ABCA13: variants seen among roughly 807,000 people sequenced by gnomAD.
ABCA13 encodes the protein ATP binding cassette subfamily A member 13.
A neutral mutation model predicts 478.7 loss-of-function variants in ABCA13; 476 were observed. The observed-to-expected ratio is 0.99, with a 90% CI of 0.92 to 1.07. ABCA13 has a LOEUF of 1.07. Ranked by LOEUF, ABCA13 falls within the 50% of genes least tolerant of loss-of-function variation. ABCA13 has a pLI of 0.00. For missense variants in ABCA13, 6,060 were observed against 5,910.6 expected (o/e 1.03, Z -0.83); for synonymous variants, 2,252 against 2,158.9 (o/e 1.04, Z -1.20).
At chr7:48,325,559 T>C (rs544127383) in intron 27 of ABCA13, among the ~76,000 whole-genome samples, 75 of 152,314 alleles carry the variant, frequency 4.9e-4, no homozygotes, top group Non-Finnish European at 6.8e-4. Flanking sequence ...TTTTTGTTCT[T>C]TTCATGGCAT....
At chr7:48,619,103 C>T (rs904196196) in intron 59 of ABCA13, among the ~76,000 whole-genome samples, 4 of 152,194 alleles carry the variant, frequency 2.6e-5, no homozygotes, top group African/African-American at 9.7e-5. Context: ...TCTGGCTGTG[C>T]CAAGGGTTCT....
chr7:48,626,751 A>G (rs10227020), intron 59 of ABCA13: 23 of 985,540 alleles, frequency 2.3e-5, no homozygotes, highest in Non-Finnish European at 2.7e-5. Context: ...GGTTTGGGAC[A>G]TGGAAAGATA....
At chr7:48,395,851 T>C (rs1816766352) in intron 38 of ABCA13, among the ~76,000 whole-genome samples, 1 of 152,190 alleles carries the variant, frequency 6.6e-6, no homozygotes, top group African/African-American at 2.4e-5. Context: ...CAGTAGAATA[T>C]TAGTAGGTAA....
At chr7:48,346,304 A>G (rs2128970516) in intron 29 of ABCA13, among the ~76,000 whole-genome samples, 1 of 152,320 alleles carries the variant, frequency 6.6e-6, no homozygotes, top group East Asian at 1.9e-4. Context: ...AGATAATGAA[A>G]GTCACACTAT....
At chr7:48,583,807 G>A (rs1788925281) in intron 56 of ABCA13, among the ~76,000 whole-genome samples, 1 of 152,222 alleles carries the variant, frequency 6.6e-6, no homozygotes, top group Non-Finnish European at 1.5e-5. Flanking sequence ...GTATTGCTGA[G>A]TGCAGAAAAG....
intron 1 of ABCA13, among the ~76,000 whole-genome samples, chr7:48,185,903 A>G (rs546455054): frequency 2.2e-4 from 33 of 152,042 alleles, no homozygotes; most frequent in African/African-American, 7.7e-4. Context: ...ATATTATTAT[A>G]CTTTTTGGTA....
intron 48 of ABCA13, among the ~76,000 whole-genome samples, chr7:48,493,120 C>A (rs1037315367): frequency 1.8e-4 from 27 of 152,280 alleles, no homozygotes; most frequent in African/African-American, 6.5e-4. Context: ...TATTTGTTTA[C>A]ATTCCTTTGT....
At position 48,275,307 on chromosome 7, in the gene ABCA13, G is replaced by A; in HGVS notation, c.5641G>A (p.Glu1881Lys). 9 of 1,613,900 alleles carry A rather than the reference G, an allele frequency of 5.6e-6. No homozygotes were observed. The highest frequency in any genetic ancestry group is 7.6e-6 in the Non-Finnish European group (9 of 1,179,872). ...ATGTTCAAATGAAAGCTCCCGAATG[G>A]AAATAACTAGGAAAGTGGTCTGCAT... is the stretch of plus-strand genomic sequence containing the variant. Reference protein sequence around the residue: ...SPCSNESSRMEITRKVVCIIH... With the variant: ...SPCSNESSRMKITRKVVCIIH... Residue 1881 changes from glutamate (E) to lysine (K), a missense_variant, in exon 17 of 62, where the codon GAA (glutamate) becomes AAA (lysine). Physicochemically the swap from Glu to Lys is moderately conservative, Grantham distance 56. Transcript: ENST00000435803.
At chr7:48,640,227 G>A (rs574916334) in intron 59 of ABCA13, among the ~76,000 whole-genome samples, 2 of 152,246 alleles carry the variant, frequency 1.3e-5, no homozygotes, top group Admixed American at 6.5e-5. Flanking sequence ...TAATTTGGGG[G>A]GAAGGACTTT....
At chr7:48,623,644 T>A (rs1352453620) in intron 59 of ABCA13, among the ~76,000 whole-genome samples, 2 of 152,172 alleles carry the variant, frequency 1.3e-5, no homozygotes, top group African/African-American at 4.8e-5. Flanking sequence ...AATATATATA[T>A]GTTCTAGGCA....
At chr7:48,538,900 G>C (rs1435714034) in intron 55 of ABCA13, among the ~76,000 whole-genome samples, 1 of 152,132 alleles carries the variant, frequency 6.6e-6, no homozygotes, top group Non-Finnish European at 1.5e-5. Context: ...CTCTGTCGAA[G>C]AACCTGAACT....
intron 19 of ABCA13, among the ~76,000 whole-genome samples, 163 bp downstream of exon 19, chr7:48,281,615 A>C (rs1490798694): frequency 1.3e-5 from 2 of 152,242 alleles, no homozygotes; most frequent in East Asian, 3.9e-4. Flanking sequence ...TCCCAACCTC[A>C]TTCCCACCAC....
chr7:48,295,685 T>C lies in ABCA13; in HGVS notation c.8956-15T>C. 1 of 1,613,804 alleles carries C rather than the reference T, an allele frequency of 6.2e-7. No individual in the cohort carries two copies. Among genetic ancestry groups the C allele is most frequent in the Non-Finnish European group, 8.5e-7 (1 of 1,179,752 alleles). On this transcript the variant is annotated splice_polypyrimidine_tract_variant and intron_variant, in intron 20 of 61. Transcript: ENST00000435803. Reference sequence around the variant, plus strand: ...TATGTGTGCTTCTAACCTATATCATTGCTATGTTTTCTAGGAAATTGAAAA... The same window carrying C: ...TATGTGTGCTTCTAACCTATATCATCGCTATGTTTTCTAGGAAATTGAAAA...
chr7:48,508,049 G>C lies in ABCA13; in HGVS notation c.13524G>C (p.Met4508Ile). 6.2e-7 allele frequency: 1 copy of C among 1,613,804 alleles called. No individual in the cohort carries two copies. The highest frequency in any genetic ancestry group is 8.5e-7 in the Non-Finnish European group (1 of 1,179,784). Residue 4508 changes from methionine to isoleucine, a missense_variant and splice_region_variant, in exon 50 of 62, where the codon ATG (methionine) becomes ATC (isoleucine). Physicochemically the swap from Met to Ile is conservative, Grantham distance 10. Coordinates refer to ENST00000435803, the MANE Select transcript of ABCA13 (RefSeq NM_152701.5). ...MYWFTNFLYD[M>I]LFYLVSVCLC... The stretch of plus-strand genomic sequence containing the variant: ...GGTTCACAAACTTCCTATATGACAT[G>C]GTAGGATTTGGGAATGAGATTCTGT...
chr7:48,598,447 G>A (rs1340430805), intron 58 of ABCA13, among the ~76,000 whole-genome samples: 2 of 152,170 alleles, frequency 1.3e-5, no homozygotes, highest in Admixed American at 1.3e-4. Flanking sequence ...AAATACCAAG[G>A]AATGTGATTG....
At position 48,278,660 on chromosome 7, in the gene ABCA13, G is replaced by C; in HGVS notation, c.7466G>C (p.Ser2489Thr). The change falls in exon 18 of 62, where the codon AGT becomes ACT. Residue 2489 changes from serine (S) to threonine (T), a missense_variant. Physicochemically the swap from Ser to Thr is moderately conservative, Grantham distance 58 (BLOSUM62 1). Around this residue, in one of 3 missense-constraint regions of ABCA13, gnomAD observed 4,423 missense variants for 4,309.1 expected, o/e 1.03. Coordinates refer to ENST00000435803, the MANE Select transcript of ABCA13 (RefSeq NM_152701.5). ...GCTATTTCAAGAGCAAGTGAAGAAA[G>C]TCACGTCCTGAAACCCCTCTTAGAA... ...VGAISRASEE[S>T]HVLKPLLEMS... is the part of the protein sequence containing the mutation. The C allele has an allele frequency of 6.2e-7, 1 of 1,613,614 alleles. No homozygotes were observed. Among genetic ancestry groups the C allele is most frequent in the Non-Finnish European group, 8.5e-7 (1 of 1,179,542 alleles).
chr7:48,295,434 A>C (rs1037397233), intron 20 of ABCA13, among the ~76,000 whole-genome samples: 10 of 152,204 alleles, frequency 6.6e-5, no homozygotes, highest in African/African-American at 2.4e-4. Flanking sequence ...TCAGGAAGTT[A>C]AGAGCCAGGC....
intron 15 of ABCA13, among the ~76,000 whole-genome samples, chr7:48,258,777 C>T (rs1159820446): frequency 6.6e-6 from 1 of 152,124 alleles, no homozygotes; most frequent in Non-Finnish European, 1.5e-5. Context: ...CTTCACACTG[C>T]TTTAGCTATG....
intron 11 of ABCA13, among the ~76,000 whole-genome samples, chr7:48,245,084 C>T (rs1049137393): frequency 4.6e-5 from 7 of 152,132 alleles, no homozygotes; most frequent in African/African-American, 1.7e-4. Context: ...TCTACTGCCT[C>T]CTCCCACCAA....
Sources: gnomAD v4.1 joint callset for allele counts (sites outside exome capture counted in the v4.1 genomes callset) on GRCh38, gnomAD v4.1.1 for gene constraint, gnomAD v4.1.1 regional missense constraint, MANE v1.5 for transcripts, NCBI Gene and HGNC (gene_info 2026-07-23, HGNC 2026-07-21) for gene names.